Variants in HS6ST3 observed in about 807,000 individuals in gnomAD.
HS6ST3 encodes the protein heparan sulfate 6-O-sulfotransferase 3.
HS6ST3 carries 12 observed loss-of-function variants against 36.7 expected under a neutral mutation model. The ratio of observed to expected loss-of-function variants is 0.33; its 90% confidence interval spans 0.21 to 0.53. The LOEUF (loss-of-function observed/expected upper bound fraction) is 0.53. HS6ST3 is among the 20% of genes least tolerant of loss of function. The probability of loss-of-function intolerance (pLI) is 0.95; values close to 1 mark genes in which losing one functional copy is unlikely to be tolerated. For missense variants in HS6ST3, 584 were observed against 640.9 expected (o/e 0.91, Z 0.96); for synonymous variants, 240 against 257.5 (o/e 0.93, Z 0.65).
intron 1 of HS6ST3, among the ~76,000 whole-genome samples, chr13:96,149,527 C>G (rs1343730359): frequency 6.6e-6 from 1 of 152,122 alleles, no homozygotes; most frequent in Non-Finnish European, 1.5e-5. Context: ...AGTTGTTTGT[C>G]CCAAAGCTGC....
intron 1 of HS6ST3, among the ~76,000 whole-genome samples, chr13:96,134,753 G>A (rs951110468): frequency 1.3e-5 from 2 of 152,138 alleles, no homozygotes. Flanking sequence ...GCTCTTTTGG[G>A]TTTGCAGAAT....
chr13:96,571,053 G>A (rs1329124042), intron 1 of HS6ST3, among the ~76,000 whole-genome samples: 1 of 152,214 alleles, frequency 6.6e-6, no homozygotes, highest in African/African-American at 2.4e-5. Context: ...TGAGAATGTA[G>A]TTCAGGAGGT....
chr13:96,717,670 G>A (rs1405140067), intron 1 of HS6ST3, among the ~76,000 whole-genome samples: 1 of 152,120 alleles, frequency 6.6e-6, no homozygotes, highest in Non-Finnish European at 1.5e-5. Flanking sequence ...CATGAGGGAG[G>A]CCTTATTTCC....
chr13:96,410,559 C>A (rs944482270), intron 1 of HS6ST3, among the ~76,000 whole-genome samples: 14 of 151,738 alleles, frequency 9.2e-5, no homozygotes, highest in Non-Finnish European at 2.9e-5. Flanking sequence ...GTGCTACCCC[C>A]AAGAGTGAAA....
intron 1 of HS6ST3, among the ~76,000 whole-genome samples, chr13:96,599,636 T>G (rs1466550236): frequency 2.0e-5 from 3 of 152,068 alleles, no homozygotes; most frequent in Non-Finnish European, 4.4e-5. Flanking sequence ...TTTTGTTTAC[T>G]GCTGGTCTCA....
At chr13:96,578,906 T>G (rs2056331362) in intron 1 of HS6ST3, among the ~76,000 whole-genome samples, 1 of 152,202 alleles carries the variant, frequency 6.6e-6, no homozygotes, top group Non-Finnish European at 1.5e-5. Flanking sequence ...CCTTTTGGTC[T>G]AGAAACTTGG....
At chr13:96,624,145 A>G (rs1458175604) in intron 1 of HS6ST3, among the ~76,000 whole-genome samples, 2 of 152,204 alleles carry the variant, frequency 1.3e-5, no homozygotes, top group African/African-American at 4.8e-5. Context: ...GTGCATATAT[A>G]CATGTACAGG....
At chr13:96,722,215 A>G (rs1431572376) in intron 1 of HS6ST3, among the ~76,000 whole-genome samples, 3 of 152,206 alleles carry the variant, frequency 2.0e-5, no homozygotes, top group Non-Finnish European at 4.4e-5. Flanking sequence ...CAGTGAGCCA[A>G]CATTGTGCCA....
At position 96,090,818 on chromosome 13, in the gene HS6ST3, C is replaced by G. The variant is rs747269630; in HGVS notation, c.-45C>G. The G allele has an allele frequency of 8.1e-7, 1 of 1,234,104 alleles. No homozygotes were observed. The highest frequency in any genetic ancestry group is 1.1e-6 in the Non-Finnish European group (1 of 940,854). The allele number at this position is 1,234,104 out of a possible 1,614,324, so 76.4% of individuals were successfully genotyped here. ...CCGAGCGGGCGCCCGTCCGCCCTGC[C>G]GCCGCCGCCGCCGCCGCTTCGCCTG... is the stretch of plus-strand genomic sequence containing the variant. On this transcript the variant is annotated 5_prime_UTR_variant, in exon 1 of 2. Coordinates refer to ENST00000376705, the MANE Select transcript of HS6ST3 (RefSeq NM_153456.4).
At chr13:96,635,290 G>A (rs2056545597) in intron 1 of HS6ST3, among the ~76,000 whole-genome samples, 1 of 150,350 alleles carries the variant, frequency 6.7e-6, no homozygotes, top group Non-Finnish European at 1.5e-5. Context: ...TTATTTGCCT[G>A]GACACTGCCT....
chr13:96,271,611 A>G (rs1365204743), intron 1 of HS6ST3, among the ~76,000 whole-genome samples: 1 of 151,986 alleles, frequency 6.6e-6, no homozygotes, highest in Non-Finnish European at 1.5e-5. Flanking sequence ...GGGCTCATAC[A>G]AGGAACTAGA....
intron 1 of HS6ST3, among the ~76,000 whole-genome samples, chr13:96,141,764 G>T (rs939676389): frequency 1.3e-5 from 2 of 152,078 alleles, no homozygotes; most frequent in African/African-American, 4.8e-5. Flanking sequence ...TAGATCAGGG[G>T]GGTCTTAAGG....
At chr13:96,789,772 A>C (rs1463388859) in intron 1 of HS6ST3, among the ~76,000 whole-genome samples, 1 of 151,620 alleles carries the variant, frequency 6.6e-6, no homozygotes. Flanking sequence ...TTAAAAAAAA[A>C]CCCAGCCATT....
chr13:96,596,608 A>T (rs1302050960), intron 1 of HS6ST3, among the ~76,000 whole-genome samples: 1 of 152,134 alleles, frequency 6.6e-6, no homozygotes, highest in Admixed American at 6.5e-5. Context: ...TTTTCACTAC[A>T]TCCGTGTCAA....
intron 1 of HS6ST3, among the ~76,000 whole-genome samples, chr13:96,755,065 A>G (rs1345972753): frequency 1.3e-5 from 2 of 151,970 alleles, no homozygotes; most frequent in Non-Finnish European, 2.9e-5. Flanking sequence ...TAATTTGTCA[A>G]TCTTTGATAA....
At chr13:96,822,327 T>A (rs1228019120) in intron 1 of HS6ST3, among the ~76,000 whole-genome samples, 1 of 152,138 alleles carries the variant, frequency 6.6e-6, no homozygotes, top group East Asian at 1.9e-4. Flanking sequence ...CTGAACCAAA[T>A]AATCACGGAA....
chr13:96,576,891 CT>C (rs1398447646), intron 1 of HS6ST3, among the ~76,000 whole-genome samples: 2 of 127,008 alleles, frequency 1.6e-5, no homozygotes, highest in Non-Finnish European at 3.1e-5. Flanking sequence ...TTGCAGTGAG[CT>C]GAGATCGCGC....
intron 1 of HS6ST3, among the ~76,000 whole-genome samples, chr13:96,356,099 A>G (rs1197849306): frequency 6.6e-6 from 1 of 152,172 alleles, no homozygotes; most frequent in Non-Finnish European, 1.5e-5. Flanking sequence ...CTCATTTCAT[A>G]TGATATGATA....
chr13:96,679,458 A>T (rs2056710800), intron 1 of HS6ST3, among the ~76,000 whole-genome samples: 2 of 152,032 alleles, frequency 1.3e-5, no homozygotes, highest in Admixed American at 1.3e-4. Context: ...CATCTTCTTC[A>T]TGTAAAGTGG....
Sources: allele counts gnomAD v4.1 joint callset (sites outside exome capture counted in the v4.1 genomes callset), GRCh38; gene constraint gnomAD v4.1.1; transcripts MANE v1.5; gene names NCBI Gene and HGNC (gene_info 2026-07-23, HGNC 2026-07-21).